Variants in PTPRD observed in about 807,000 individuals in gnomAD.
PTPRD encodes the protein receptor-type tyrosine-protein phosphatase delta.
Under a neutral mutation model 214.5 loss-of-function variants are expected in PTPRD, and 34 were observed. The ratio of observed to expected loss-of-function variants is 0.16; its 90% confidence interval spans 0.12 to 0.21. The LOEUF (loss-of-function observed/expected upper bound fraction) is 0.21. Ranked by LOEUF, PTPRD falls within the 10% of genes least tolerant of loss-of-function variation. The pLI is 1.00. For synonymous variants in PTPRD, 1,128 were observed against 845.7 expected, an observed-to-expected ratio of 1.33 and a Z score of -5.79; for missense variants, 2,545 against 2,398.7, an observed-to-expected ratio of 1.06 and a Z score of -1.27.
At chr9:9,519,123 C>A (rs1353479589) in intron 8 of PTPRD, among the ~76,000 whole-genome samples, 1 of 151,642 alleles carries the variant, frequency 6.6e-6, no homozygotes, top group Non-Finnish European at 1.5e-5. Context: ...AAGAATAAAT[C>A]ACAATGAAAA....
chr9:8,631,201 T>G (rs898382861), intron 14 of PTPRD, among the ~76,000 whole-genome samples: 1 of 151,938 alleles, frequency 6.6e-6, no homozygotes, highest in East Asian at 1.9e-4. Flanking sequence ...AAACATAGTC[T>G]CTAAGATTCC....
intron 14 of PTPRD, among the ~76,000 whole-genome samples, chr9:8,608,651 A>G (rs2154287392): frequency 6.6e-6 from 1 of 152,290 alleles, no homozygotes; most frequent in Non-Finnish European, 1.5e-5. Context: ...AGAATACTGG[A>G]AAATCACGGC....
At chr9:9,947,451 A>AT (rs373177281) in intron 4 of PTPRD, among the ~76,000 whole-genome samples, 16,338 of 37,834 alleles carry the variant, frequency 0.43, 4,815 homozygotes, top group East Asian at 0.88. Context: ...TATTTTATAT[A>AT]TTTTTATATA....
At chr9:9,487,394 C>T (rs186161794) in intron 8 of PTPRD, among the ~76,000 whole-genome samples, 1,524 of 152,238 alleles carry the variant, frequency 0.01, 33 homozygotes, top group African/African-American at 0.034. Flanking sequence ...ACGAACTCAT[C>T]CTTTTTTATG....
At chr9:9,854,610 A>G (rs1162535003) in intron 5 of PTPRD, among the ~76,000 whole-genome samples, 1 of 151,976 alleles carries the variant, frequency 6.6e-6, no homozygotes, top group Non-Finnish European at 1.5e-5. Flanking sequence ...CATTTTTTGT[A>G]CTTCTCTTAT....
At chr9:10,067,057 T>G (rs1407539266) in intron 3 of PTPRD, among the ~76,000 whole-genome samples, 1 of 151,878 alleles carries the variant, frequency 6.6e-6, no homozygotes, top group Non-Finnish European at 1.5e-5. Context: ...TGGCCGTGCT[T>G]ATGAGGGTGA....
chr9:8,580,115 T>C (rs2092912658), intron 14 of PTPRD, among the ~76,000 whole-genome samples: 1 of 152,146 alleles, frequency 6.6e-6, no homozygotes, highest in African/African-American at 2.4e-5. Context: ...CATGATAATG[T>C]CAGGTATTAA....
At chr9:9,273,088 T>C (rs901370254) in intron 9 of PTPRD, among the ~76,000 whole-genome samples, 1 of 151,486 alleles carries the variant, frequency 6.6e-6, no homozygotes, top group African/African-American at 2.4e-5. Flanking sequence ...TTGAGTTTTG[T>C]GCATTAGAAG....
At chr9:9,318,238 A>AG (rs1375876167) in intron 9 of PTPRD, among the ~76,000 whole-genome samples, 3 of 151,526 alleles carry the variant, frequency 2.0e-5, no homozygotes, top group African/African-American at 7.3e-5. Context: ...AAAAAAAAAA[A>AG]CACCAAAAAG....
intron 11 of PTPRD, among the ~76,000 whole-genome samples, chr9:8,736,030 G>T (rs2090274393): frequency 6.6e-6 from 1 of 152,062 alleles, no homozygotes; most frequent in Non-Finnish European, 1.5e-5. Context: ...GCCATTTAAT[G>T]TTTTAGAGCA....
At chr9:9,056,132 G>A (rs568005984) in intron 10 of PTPRD, among the ~76,000 whole-genome samples, 1 of 152,090 alleles carries the variant, frequency 6.6e-6, no homozygotes, top group Non-Finnish European at 1.5e-5. Context: ...TAGACTTCTA[G>A]ACCTCAGTAT....
chr9:9,545,308 C>T (rs1569569156), intron 8 of PTPRD, among the ~76,000 whole-genome samples: 1 of 151,672 alleles, frequency 6.6e-6, no homozygotes, highest in Non-Finnish European at 1.5e-5. Flanking sequence ...CCTATTCATC[C>T]CTCCCTTTCT....
intron 2 of PTPRD, among the ~76,000 whole-genome samples, chr9:10,518,572 A>G (rs565000275): frequency 4.4e-4 from 66 of 150,950 alleles, no homozygotes; most frequent in African/African-American, 5.9e-4. Flanking sequence ...TCGCACTGTC[A>G]CCCAGGCTGG....
intron 30 of PTPRD, among the ~76,000 whole-genome samples, chr9:8,476,629 T>C (rs938110854): frequency 2.6e-5 from 4 of 152,202 alleles, no homozygotes; most frequent in African/African-American, 7.2e-5. Flanking sequence ...ATGGTCTCTA[T>C]GAACCATTTT....
intron 9 of PTPRD, among the ~76,000 whole-genome samples, chr9:9,349,590 GTT>G (rs34166604): frequency 2.0e-4 from 29 of 145,868 alleles, no homozygotes; most frequent in Middle Eastern, 7.1e-3. Context: ...ATTTCTCTAA[GTT>G]TTTTTTTTTT....
intron 10 of PTPRD, among the ~76,000 whole-genome samples, chr9:9,023,303 T>C (rs946911092): frequency 2.0e-5 from 3 of 152,136 alleles, no homozygotes; most frequent in African/African-American, 7.2e-5. Context: ...TCCAAGTTGT[T>C]ACTAAGGCCC....
At chr9:10,273,728 T>A (rs2154384525) in intron 3 of PTPRD, among the ~76,000 whole-genome samples, 1 of 152,200 alleles carries the variant, frequency 6.6e-6, no homozygotes, top group South Asian at 2.1e-4. Context: ...TGATTTCTGG[T>A]GTGTAGTCAA....
At chr9:10,026,432 C>T (rs1279957938) in intron 4 of PTPRD, among the ~76,000 whole-genome samples, 2 of 152,106 alleles carry the variant, frequency 1.3e-5, no homozygotes, top group Non-Finnish European at 1.5e-5. Flanking sequence ...TATTTTTTAG[C>T]ATCTAAAAAT....
intron 8 of PTPRD, among the ~76,000 whole-genome samples, chr9:9,425,637 C>G (rs1016344711): frequency 1.3e-5 from 2 of 151,320 alleles, no homozygotes; most frequent in African/African-American, 2.4e-5. Context: ...AAAGAGTAAA[C>G]CATGCCATGA....
Sources: allele counts gnomAD v4.1 joint callset (sites outside exome capture counted in the v4.1 genomes callset), GRCh38; gene constraint gnomAD v4.1.1; transcripts MANE v1.5; gene names NCBI Gene and HGNC (gene_info 2026-07-23, HGNC 2026-07-21).